The following IPO7 variants were observed in gnomAD, a reference collection of about 807,000 sequenced individuals.
IPO7 encodes importin-7.
In IPO7, 13 loss-of-function variants were observed where a neutral mutation model predicts 136.4. The ratio of observed to expected loss-of-function variants is 0.10; its 90% CI spans 0.06 to 0.15. The LOEUF (loss-of-function observed/expected upper bound fraction) is 0.15. Ranked by LOEUF, IPO7 falls within the 10% of genes least tolerant of loss-of-function variation. The pLI is 1.00. For missense variants in IPO7, 857 were observed against 1,240.6 expected, an observed-to-expected ratio of 0.69 and a Z score of 4.65; for synonymous variants, 403 against 404.4, an observed-to-expected ratio of 1.00 and a Z score of 0.04.
intron 15 of IPO7, 21 bp downstream of exon 15, chr11:9,429,855 A>T (rs774722459): frequency 6.4e-7 from 1 of 1,553,052 alleles, no homozygotes; most frequent in Non-Finnish European, 8.7e-7. Context: ...TGAACCTACC[A>T]TATTTGCAAG....
chr11:9,432,989 G>GTTTTTTTTTTTTTTTTTTTTTTTTTTT lies in IPO7; in HGVS notation c.1882-565_1882-564insTTTTTTTTTTTTTTTTTTTTTTTTTTT, dbSNP rs397953468. The GTTTTTTTTTTTTTTTTTTTTTTTTTTT allele has an allele frequency of 3.8e-4, 47 of 123,236 alleles. 7 individuals carry two copies. Among genetic ancestry groups the GTTTTTTTTTTTTTTTTTTTTTTTTTTT allele is most frequent in the African/African-American group, 1.2e-3 (41 of 34,340 alleles). 7.6% of individuals were successfully genotyped at this position (123,236 alleles called of 1,614,324 possible). On this transcript the variant is annotated intron_variant, in intron 16 of 24. Coordinates refer to ENST00000379719, the MANE Select transcript of IPO7 (RefSeq NM_006391.3). ...TAACAGATGGGCTATCTTCCAAATG[G>GTTTTTTTTTTTTTTTTTTTTTTTTTTT]TTTTTTTTTTTTTTTTGAGATGGAG...
chr11:9,388,505 G>T (rs1854583611), intron 1 of IPO7, among the ~76,000 whole-genome samples: 1 of 146,652 alleles, frequency 6.8e-6, no homozygotes, highest in African/African-American at 2.5e-5. Flanking sequence ...TTGAGACAGG[G>T]TCTTGCTCCA....
At chr11:9,422,138 G>A (rs1022400606) in intron 8 of IPO7, among the ~76,000 whole-genome samples, 2 of 152,096 alleles carry the variant, frequency 1.3e-5, no homozygotes, top group African/African-American at 4.8e-5. Context: ...AATCAGCCAG[G>A]TGTGGTGGTG....
rs1304021189 is a variant in IPO7, at chr11:9,445,696, G to A, written c.*502G>A. On this transcript the variant is annotated 3_prime_UTR_variant, in exon 25 of 25. Coordinates refer to ENST00000379719, the MANE Select transcript of IPO7 (RefSeq NM_006391.3). ...GTAAATAAGATAAGGTCATCTGATA[G>A]CCTTATTCAGTCTTCATCATTTTCA... 2 of 152,862 alleles carry A rather than the reference G, an allele frequency of 1.3e-5. No homozygotes were observed. The highest frequency in any genetic ancestry group is 2.9e-5 in the Non-Finnish European group (2 of 68,546). The allele number at this position is 152,862 out of a possible 1,614,324, so 9.5% of individuals were successfully genotyped here.
chr11:9,436,321 G>A lies in IPO7; in HGVS notation c.2223G>A (p.Leu741=), dbSNP rs1490318671. ...ATGCAGAGTGTCATGCAGCAAAATT[G>A]TTAGAGGTCATCATTCTGCAGTGCA... ...GEDAECHAAK[L]LEVIILQCKG... Residue 741 remains leucine (L), a synonymous_variant, in exon 20 of 25, where the codon TTG becomes TTA. Transcript: ENST00000379719. The A allele has an allele frequency of 9.9e-6, 16 of 1,613,872 alleles. No individual in the cohort carries two copies. Among genetic ancestry groups the A allele is most frequent in the Non-Finnish European group, 1.4e-5 (16 of 1,179,936 alleles).
At position 9,445,457 on chromosome 11, in the gene IPO7, C is replaced by G. The variant is rs754085078; in HGVS notation, c.*263C>G. 1.3e-5 allele frequency: 4 copies of G among 310,728 alleles called. No homozygotes were observed. The highest frequency in any genetic ancestry group is 2.4e-5 in the Non-Finnish European group (4 of 167,272). The allele number at this position is 310,728 out of a possible 1,614,324, so 19.2% of individuals were successfully genotyped here. ...TTTTGAAGAAAGTAAGATCCTGACT[C>G]TGAAGCTTCAAAGTGACACTGTGGA... On this transcript the variant is annotated 3_prime_UTR_variant, in exon 25 of 25. Coordinates refer to ENST00000379719, the MANE Select transcript of IPO7 (RefSeq NM_006391.3).
chr11:9,436,298 G>C lies in IPO7; in HGVS notation c.2200G>C (p.Ala734Pro). 6.2e-7 allele frequency: 1 copy of C among 1,613,832 alleles called. No individual in the cohort carries two copies. The highest frequency in any genetic ancestry group is 1.6e-4 in the Middle Eastern group (1 of 6,062). ...KVLTGVAGED[A>P]ECHAAKLLEV... is the part of the protein sequence containing the mutation. ...TCTTACAGGAGTTGCAGGAGAAGAT[G>C]CAGAGTGTCATGCAGCAAAATTGTT... Residue 734 changes from alanine to proline, a missense_variant, in exon 20 of 25, where the codon GCA (alanine) becomes CCA (proline). Ala to Pro is a conservative substitution (Grantham distance 27). This residue lies in a region of IPO7 where 190 missense variants were observed against 249.0 expected (regional missense o/e 0.76). Coordinates refer to ENST00000379719, the MANE Select transcript of IPO7 (RefSeq NM_006391.3).
chr11:9,437,649 A>C, intron 20 of IPO7, 105 bp from the exon 21 acceptor site: 1 of 785,504 alleles, frequency 1.3e-6, no homozygotes. Context: ...TTGGTCATCT[A>C]ATGCTACAAT....
intron 2 of IPO7, among the ~76,000 whole-genome samples, chr11:9,408,052 T>C (rs1421356340): frequency 6.6e-6 from 1 of 152,216 alleles, no homozygotes; most frequent in Non-Finnish European, 1.5e-5. Flanking sequence ...TTATATGCTA[T>C]TATTTTTCTG....
chr11:9,404,714 C>A (rs1426071042), intron 2 of IPO7, among the ~76,000 whole-genome samples: 2 of 151,438 alleles, frequency 1.3e-5, no homozygotes, highest in Admixed American at 1.3e-4. Flanking sequence ...CACAGGCGCC[C>A]GCCACCACAC....
chr11:9,402,400 A>C (rs1377573577), intron 1 of IPO7, among the ~76,000 whole-genome samples: 21 of 23,936 alleles, frequency 8.8e-4, no homozygotes, highest in African/African-American at 1.5e-3. Flanking sequence ...ACTGTGTCTC[A>C]AAAAAAAAAA....
Position 9,438,045 on chromosome 11 carries a change from GTTTTTTTTT to G in IPO7, c.2490-11_2490-3del, listed in dbSNP as rs202038310. 679 of 1,093,402 alleles carry G rather than the reference GTTTTTTTTT, an allele frequency of 6.2e-4. No individual in the cohort carries two copies. The African/African-American group carries it at 0.012, about 19-fold the overall frequency. 67.7% of individuals were successfully genotyped at this position (1,093,402 alleles called of 1,614,324 possible). A position where few individuals can be genotyped will look rare whatever the true frequency, so the allele number is the denominator to read the frequency against. On this transcript the variant is annotated intron_variant, in intron 21 of 24. Transcript: ENST00000379719. ...TCTGCTTATTTAAGAAAAGAAAACA[GTTTTTTTTT>G]TTTTTTTTTTTTTTTTTTTTTTTAG...
chr11:9,423,324 T>C (rs1855160059), intron 9 of IPO7, among the ~76,000 whole-genome samples, 184 bp downstream of exon 9: 1 of 152,196 alleles, frequency 6.6e-6, no homozygotes, highest in Non-Finnish European at 1.5e-5. Flanking sequence ...AGGTATCTTG[T>C]GAATATTCAA....
Position 9,440,494 on chromosome 11 carries a change from G to A in IPO7, c.2735G>A (p.Gly912Glu), listed in dbSNP as rs1036166258. Reference protein sequence around the residue: ...GSDEDDIDEDGQEYLEILAKQ... With the variant: ...GSDEDDIDEDEQEYLEILAKQ... ...GATGAAGATGATATTGATGAAGATG[G>A]GCAAGAATATTTGGAGATTCTGGCT... Residue 912 changes from glycine (G) to glutamate (E), a missense_variant, in exon 23 of 25, where the codon GGG (glycine) becomes GAG (glutamate). Physicochemically the swap from Gly to Glu is moderately conservative, Grantham distance 98 (BLOSUM62 -2). This residue lies in a region of IPO7 where 119 missense variants were observed against 155.5 expected (regional missense o/e 0.77). Coordinates refer to ENST00000379719, the MANE Select transcript of IPO7 (RefSeq NM_006391.3). 1 of 1,613,956 alleles carries A rather than the reference G, an allele frequency of 6.2e-7. No homozygotes were observed. Among genetic ancestry groups the A allele is most frequent in the Non-Finnish European group, 8.5e-7 (1 of 1,179,896 alleles).
intron 22 of IPO7, among the ~76,000 whole-genome samples, chr11:9,438,637 A>AAT (rs1554956435): frequency 2.0e-4 from 30 of 151,256 alleles, no homozygotes; most frequent in African/African-American, 5.6e-4. Flanking sequence ...ATTAAAAAAA[A>AAT]ATATATATAT....
intron 1 of IPO7, among the ~76,000 whole-genome samples, chr11:9,394,889 G>A (rs1054561727): frequency 8.5e-5 from 13 of 152,274 alleles, no homozygotes; most frequent in African/African-American, 2.9e-4. Flanking sequence ...ATAATGAGAA[G>A]GTTCAAAGAT....
chr11:9,390,922 A>C (rs1211869286), intron 1 of IPO7, among the ~76,000 whole-genome samples: 1 of 151,922 alleles, frequency 6.6e-6, no homozygotes, highest in Non-Finnish European at 1.5e-5. Context: ...GGCGCCCGCC[A>C]CCACTCCTGG....
chr11:9,420,998 G>A (rs1471973426), intron 8 of IPO7, among the ~76,000 whole-genome samples: 2 of 151,506 alleles, frequency 1.3e-5, no homozygotes, highest in African/African-American at 4.8e-5. Flanking sequence ...TTCTCTTGTT[G>A]CCCAGGTTGG....
Position 9,420,521 on chromosome 11 carries a change from T to C in IPO7, c.821+16T>C, listed in dbSNP as rs772040317. ...TTTTTGAAAGGTAATCTCATCCATATATGGTGATTTAAATTAATTTATTAA... is the reference window on the plus strand; with the variant it reads ...TTTTTGAAAGGTAATCTCATCCATACATGGTGATTTAAATTAATTTATTAA... On this transcript the variant is annotated intron_variant, in intron 7 of 24. Coordinates refer to ENST00000379719, the MANE Select transcript of IPO7 (RefSeq NM_006391.3). The C allele has an allele frequency of 1.1e-5, 17 of 1,582,482 alleles. No homozygotes were observed. The highest frequency in any genetic ancestry group is 1.5e-5 in the Non-Finnish European group (17 of 1,152,054).
Sources: gnomAD v4.1 joint callset for allele counts (sites outside exome capture counted in the v4.1 genomes callset) on GRCh38, gnomAD v4.1.1 for gene constraint, gnomAD v4.1.1 regional missense constraint, MANE v1.5 for transcripts, NCBI Gene and HGNC (gene_info 2026-07-23, HGNC 2026-07-21) for gene names.